The following PLEKHA5 variants were observed in gnomAD, a reference collection of about 807,000 sequenced individuals.
The protein encoded by PLEKHA5 is pleckstrin homology domain containing A5, also known as pleckstrin homology domain-containing family A member 5.
A neutral mutation model predicts 181.9 loss-of-function variants in PLEKHA5; 55 were observed. The observed-to-expected ratio is 0.30, with a 90% CI of 0.24 to 0.38. The LOEUF (loss-of-function observed/expected upper bound fraction) is 0.38. Ranked by LOEUF, PLEKHA5 falls within the 10% of genes least tolerant of loss-of-function variation. The pLI, the probability that PLEKHA5 is intolerant of heterozygous loss-of-function variation, is 1.00. For missense variants in PLEKHA5, 1,432 were observed against 1,549.5 expected (o/e 0.92, Z 1.27); for synonymous variants, 535 against 529.4 (o/e 1.01, Z -0.15).
intron 16 of PLEKHA5, among the ~76,000 whole-genome samples, chr12:19,319,044 C>A (rs1319457442): frequency 1.3e-5 from 2 of 152,094 alleles, no homozygotes; most frequent in Non-Finnish European, 2.9e-5. Context: ...TATCATAGAT[C>A]TACCTATTTA....
intron 25 of PLEKHA5, among the ~76,000 whole-genome samples, chr12:19,349,725 C>T (rs557250317): frequency 8.2e-5 from 12 of 145,502 alleles, no homozygotes; most frequent in Non-Finnish European, 1.7e-4. Flanking sequence ...GCAACAACAA[C>T]AACAACCAGA....
chr12:19,274,759 A>T lies in PLEKHA5; in HGVS notation c.1089A>T (p.Ser363=), dbSNP rs758614590. The T allele has an allele frequency of 1.9e-6, 3 of 1,614,100 alleles. No homozygotes were observed. The South Asian group carries it at 3.3e-5, about 18-fold the overall frequency. Residue 363 remains serine (S), a synonymous_variant, in exon 11 of 32, where the codon TCA becomes TCT. Transcript: ENST00000429027. ...TGCCATCTGAATATGAGAGTGGGTC[A>T]GCATGCCCTGCTCAGACTGTGCACT... ...NSLPSEYESG[S]ACPAQTVHYR...
At chr12:19,337,616 A>T (rs1394586546) in intron 21 of PLEKHA5, among the ~76,000 whole-genome samples, 1 of 152,020 alleles carries the variant, frequency 6.6e-6, no homozygotes, top group Non-Finnish European at 1.5e-5. Flanking sequence ...GAACGCAGAT[A>T]ATACATGTTT....
intron 18 of PLEKHA5, among the ~76,000 whole-genome samples, chr12:19,321,936 A>G (rs952971351): frequency 2.6e-5 from 4 of 152,144 alleles, no homozygotes; most frequent in Admixed American, 2.0e-4. Context: ...AATTAGGGTA[A>G]TATTAAGAAT....
chr12:19,146,064 A>G (rs2038840055), intron 3 of PLEKHA5, among the ~76,000 whole-genome samples: 1 of 152,204 alleles, frequency 6.6e-6, no homozygotes, highest in Non-Finnish European at 1.5e-5. Context: ...TCCTCTGAGA[A>G]TTAGGGTTGG....
chr12:19,131,447 C>T (rs2033810247), intron 2 of PLEKHA5, among the ~76,000 whole-genome samples: 1 of 152,172 alleles, frequency 6.6e-6, no homozygotes, highest in Non-Finnish European at 1.5e-5. Context: ...CAGGCTTTTG[C>T]TTCAATATAC....
chr12:19,161,422 A>G (rs2042938348), intron 3 of PLEKHA5, among the ~76,000 whole-genome samples: 1 of 152,198 alleles, frequency 6.6e-6, no homozygotes, highest in African/African-American at 2.4e-5. Context: ...TATCTAACTT[A>G]TAAGAAAACC....
At chr12:19,265,514 A>G (rs1467600877) in intron 7 of PLEKHA5, among the ~76,000 whole-genome samples, 6 of 152,220 alleles carry the variant, frequency 3.9e-5, no homozygotes, top group Non-Finnish European at 8.8e-5. Context: ...CTTATATGCC[A>G]GTATGTTTTT....
chr12:19,132,527 C>A, intron 3 of PLEKHA5, 77 bp downstream of exon 3: 1 of 745,982 alleles, frequency 1.3e-6, no homozygotes, highest in Non-Finnish European at 2.4e-6. Flanking sequence ...AGTTGTATGT[C>A]CAGTCTTGAT....
Position 19,211,172 on chromosome 12 carries a change from C to A in PLEKHA5, c.228-42768C>A, listed in dbSNP as rs566529271. On this transcript the variant is annotated intron_variant, in intron 3 of 31. Coordinates refer to ENST00000429027, the MANE Select transcript of PLEKHA5 (RefSeq NM_001256470.2). ...TGAATAAGATAGAGAGTTGCCCCTA[C>A]ACTTTGTTCTTTGGTTTTATAACAC... Among the ~76,000 whole-genome samples, 6 of 152,248 alleles carry A rather than the reference C, an allele frequency of 3.9e-5. No homozygotes were observed. In the South Asian group the frequency reaches 1.2e-3, roughly 32 times the overall value.
intron 7 of PLEKHA5, among the ~76,000 whole-genome samples, chr12:19,262,067 G>A (rs2068681251): frequency 6.6e-6 from 1 of 151,964 alleles, no homozygotes; most frequent in South Asian, 2.1e-4. Context: ...TTTTTCTTAG[G>A]GGTTTTCTCA....
At chr12:19,354,218 C>T (rs745663488) in intron 26 of PLEKHA5, among the ~76,000 whole-genome samples, 7 of 116,430 alleles carry the variant, frequency 6.0e-5, no homozygotes, top group Admixed American at 1.2e-4. Flanking sequence ...GTGGCGCGAT[C>T]TCGGCTCACT....
intron 3 of PLEKHA5, among the ~76,000 whole-genome samples, chr12:19,147,649 C>G (rs2039276329): frequency 6.8e-6 from 1 of 147,506 alleles, no homozygotes; most frequent in African/African-American, 2.5e-5. Flanking sequence ...TGAATTATTA[C>G]CAGTAAAGGG....
In PLEKHA5 at chr12:19,290,670, C is replaced by T; in HGVS notation, c.1864-7C>T. 1.3e-6 allele frequency: 2 copies of T among 1,533,108 alleles called. No individual in the cohort carries two copies. The highest frequency in any genetic ancestry group is 1.4e-5 in the African/African-American group (1 of 73,116). 95.0% of individuals were successfully genotyped at this position (1,533,108 alleles called of 1,614,324 possible). A position where few individuals can be genotyped will look rare whatever the true frequency, so the allele number is the denominator to read the frequency against. Reference sequence around the variant, plus strand: ...ACTGTTTGGATTCTTAAATTGTACTCCTTCAGCCAGAGGAGCTTACGCTGC... The same window carrying T: ...ACTGTTTGGATTCTTAAATTGTACTTCTTCAGCCAGAGGAGCTTACGCTGC... On this transcript the variant is annotated splice_region_variant and splice_polypyrimidine_tract_variant and intron_variant, in intron 13 of 31. Transcript: ENST00000429027.
chr12:19,300,239 T>C (rs1042624523), intron 15 of PLEKHA5, among the ~76,000 whole-genome samples: 4 of 152,208 alleles, frequency 2.6e-5, no homozygotes, highest in East Asian at 1.9e-4. Flanking sequence ...TTTTAAAAAT[T>C]CTATTTTAAC....
rs902502930 is a variant in PLEKHA5 at position 19,272,165 on chromosome 12, GA to G, written c.845+1969del. 3.1e-3 allele frequency among the ~76,000 whole-genome samples: 466 copies of G among 150,498 alleles called. 3 individuals carry two copies. The highest frequency in any genetic ancestry group is 9.0e-3 in the African/African-American group (370 of 41,074). On this transcript the variant is annotated intron_variant, in intron 10 of 31. Transcript: ENST00000429027. ...GTGTGCAGATCATTGATGGCCCAAA[GA>G]AAAAAAAATCTAAGTATAATATGGA... is the stretch of plus-strand genomic sequence containing the variant.
At chr12:19,247,507 T>C (rs896656487) in intron 3 of PLEKHA5, among the ~76,000 whole-genome samples, 2 of 152,170 alleles carry the variant, frequency 1.3e-5, no homozygotes, top group South Asian at 2.1e-4. Context: ...TTTAGTGTTA[T>C]ACAGTTTGAT....
chr12:19,173,005 C>CTTTTTTTTTTTTTTTTTT lies in PLEKHA5; in HGVS notation c.227+40567_227+40584dup, dbSNP rs71064064. Among the ~76,000 whole-genome samples, 10 of 33,550 alleles carry CTTTTTTTTTTTTTTTTTT rather than the reference C, an allele frequency of 3.0e-4. 4 individuals are homozygous for CTTTTTTTTTTTTTTTTTT. Among genetic ancestry groups the CTTTTTTTTTTTTTTTTTT allele is most frequent in the African/African-American group, 1.1e-3 (10 of 9,464 alleles). 22.0% of individuals were successfully genotyped at this position (33,550 alleles called of 152,430 possible). ...AGAAAATTGCTACTGATTTCCCTTT[C>CTTTTTTTTTTTTTTTTTT]TTTTTTTTTTTTTTTTTTTTTTTTT... On this transcript the variant is annotated intron_variant, in intron 3 of 31. Transcript: ENST00000429027.
chr12:19,264,276 G>A (rs1173965252), intron 7 of PLEKHA5, among the ~76,000 whole-genome samples: 2 of 152,022 alleles, frequency 1.3e-5, no homozygotes, highest in African/African-American at 4.8e-5. Flanking sequence ...TTAGTGTTAG[G>A]CAGGAAAACG....
Sources: gnomAD v4.1 joint callset for allele counts (sites outside exome capture counted in the v4.1 genomes callset) on GRCh38, gnomAD v4.1.1 for gene constraint, MANE v1.5 for transcripts, NCBI Gene and HGNC (gene_info 2026-07-23, HGNC 2026-07-21) for gene names.